The following NXPE4 variants were observed in gnomAD, a reference collection of about 807,000 sequenced individuals.
The protein encoded by NXPE4 is neurexophilin and PC-esterase domain family member 4.
Under a neutral mutation model 33.3 loss-of-function variants are expected in NXPE4, and 42 were observed. The ratio of observed to expected loss-of-function variants is 1.26; its 90% confidence interval spans 0.98 to 1.63. The LOEUF (loss-of-function observed/expected upper bound fraction) is 1.63. Among genes scored for constraint, NXPE4 ranks in the 40% most tolerant of loss-of-function variants. The probability of loss-of-function intolerance (pLI) is 0.00; values close to 1 mark genes in which losing one functional copy is unlikely to be tolerated. For missense variants in NXPE4, 709 were observed against 647.6 expected, an observed-to-expected ratio of 1.09 and a Z score of -1.03; for synonymous variants, 253 against 234.9, an observed-to-expected ratio of 1.08 and a Z score of -0.71.
the NXPE4 span, among the ~76,000 whole-genome samples, chr11:114,604,183 T>C: frequency 6.6e-6 from 1 of 152,090 alleles, no homozygotes; most frequent in Admixed American, 6.6e-5. Context: ...TAACTACTGT[T>C]ACCTGGTGGA....
upstream of NXPE4, among the ~76,000 whole-genome samples, chr11:114,598,463 A>G (rs1160803395): frequency 6.6e-6 from 1 of 152,236 alleles, no homozygotes; most frequent in East Asian, 1.9e-4. Context: ...CTGCCCTAGT[A>G]GAGGTTATCT....
intron 2 of NXPE4, among the ~76,000 whole-genome samples, chr11:114,586,315 C>T (rs1949296736): frequency 6.6e-6 from 1 of 152,132 alleles, no homozygotes; most frequent in East Asian, 1.9e-4. Context: ...CGGGTATTAT[C>T]CCAGATGAAA....
the NXPE4 span, among the ~76,000 whole-genome samples, chr11:114,660,495 A>C: frequency 4.6e-5 from 7 of 152,070 alleles, no homozygotes; most frequent in Admixed American, 2.0e-4. Context: ...CCATATCATT[A>C]GGCTAAAGAA....
chr11:114,630,588 A>G, the NXPE4 span, among the ~76,000 whole-genome samples: 1 of 151,558 alleles, frequency 6.6e-6, no homozygotes, highest in African/African-American at 2.4e-5. Context: ...AAACCTAGGC[A>G]TTACCATTCA....
At chr11:114,637,432 G>T in the NXPE4 span, among the ~76,000 whole-genome samples, 3 of 152,004 alleles carry the variant, frequency 2.0e-5, no homozygotes, top group Non-Finnish European at 4.4e-5. Flanking sequence ...GCCAGTCTGT[G>T]TCTTTTAATT....
chr11:114,636,353 T>G, the NXPE4 span, among the ~76,000 whole-genome samples: 8 of 149,430 alleles, frequency 5.4e-5, no homozygotes, highest in South Asian at 1.7e-3. Context: ...TTCTTCTCTC[T>G]TTTTTTCTTT....
the NXPE4 span, among the ~76,000 whole-genome samples, chr11:114,625,983 C>T: frequency 1.2e-4 from 17 of 143,020 alleles, no homozygotes; most frequent in African/African-American, 4.0e-4. Flanking sequence ...TAAAAAACGG[C>T]GCACCAGGAG....
chr11:114,649,966 T>C, the NXPE4 span, among the ~76,000 whole-genome samples: 2 of 152,198 alleles, frequency 1.3e-5, no homozygotes, highest in South Asian at 2.1e-4. Context: ...TTATATTATA[T>C]GTAAAATATG....
At chr11:114,625,326 T>C in the NXPE4 span, among the ~76,000 whole-genome samples, 1 of 152,168 alleles carries the variant, frequency 6.6e-6, no homozygotes. Flanking sequence ...TGTTGCACTG[T>C]GGGTAACCAC....
At chr11:114,612,353 G>A in the NXPE4 span, among the ~76,000 whole-genome samples, 1 of 151,852 alleles carries the variant, frequency 6.6e-6, no homozygotes. Context: ...TGCCTCGTGG[G>A]TAACCACAGT....
the NXPE4 span, among the ~76,000 whole-genome samples, chr11:114,668,147 C>G: frequency 6.7e-6 from 1 of 150,026 alleles, no homozygotes; most frequent in East Asian, 2.0e-4. Flanking sequence ...GCTATTGGCT[C>G]TCAACTCCAA....
At chr11:114,632,452 AAG>A in the NXPE4 span, among the ~76,000 whole-genome samples, 68 of 130,172 alleles carry the variant, frequency 5.2e-4, no homozygotes, top group African/African-American at 6.4e-4. Flanking sequence ...TATAATTTAT[AAG>A]AGTTATACAT....
the NXPE4 span, among the ~76,000 whole-genome samples, chr11:114,630,845 C>T: frequency 6.6e-6 from 1 of 151,464 alleles, no homozygotes; most frequent in Non-Finnish European, 1.5e-5. Flanking sequence ...CAAACAACCC[C>T]ATCAAAAAGT....
At chr11:114,677,287 A>G in the NXPE4 span, among the ~76,000 whole-genome samples, 1 of 151,934 alleles carries the variant, frequency 6.6e-6, no homozygotes, top group African/African-American at 2.4e-5. Flanking sequence ...TCACCACACA[A>G]ATAAAAATAA....
chr11:114,638,761 A>G, the NXPE4 span, among the ~76,000 whole-genome samples: 1 of 151,950 alleles, frequency 6.6e-6, no homozygotes, highest in African/African-American at 2.4e-5. Context: ...TAACAGCAGC[A>G]GTGTCTGCAG....
chr11:114,572,851 C>A (rs474427), intron 5 of NXPE4, among the ~76,000 whole-genome samples: 90,995 of 151,952 alleles, frequency 0.6, 29,053 homozygotes, highest in African/African-American at 0.84. Context: ...CAAATACAAG[C>A]AGCTCAAAGA....
At chr11:114,606,702 G>C in the NXPE4 span, among the ~76,000 whole-genome samples, 1 of 150,962 alleles carries the variant, frequency 6.6e-6, no homozygotes, top group African/African-American at 2.4e-5. Context: ...TACCCGGAGG[G>C]TAATAAGGAC....
the NXPE4 span, among the ~76,000 whole-genome samples, chr11:114,675,691 T>C: frequency 6.6e-6 from 1 of 152,050 alleles, no homozygotes; most frequent in South Asian, 2.1e-4. Flanking sequence ...ATTCTACAGA[T>C]TTAACGTCAT....
the NXPE4 span, among the ~76,000 whole-genome samples, chr11:114,632,139 A>G: frequency 8.3e-5 from 12 of 143,800 alleles, no homozygotes; most frequent in South Asian, 2.5e-3. Flanking sequence ...AATATATTAT[A>G]ATTTATTATG....
Sources: gnomAD v4.1 joint callset for allele counts (sites outside exome capture counted in the v4.1 genomes callset) on GRCh38, gnomAD v4.1.1 for gene constraint, MANE v1.5 for transcripts, NCBI Gene and HGNC (gene_info 2026-07-23, HGNC 2026-07-21) for gene names.